The following CNBD1 variants were observed in gnomAD, a reference collection of about 807,000 sequenced individuals.
CNBD1 encodes cyclic nucleotide-binding domain-containing protein 1.
A neutral mutation model predicts 54.4 loss-of-function variants in CNBD1; 71 were observed. The ratio of observed to expected loss-of-function variants is 1.30; its 90% CI spans 1.08 to 1.59. The LOEUF is 1.59. Among genes scored for constraint, CNBD1 ranks in the 40% most tolerant of loss-of-function variants. The pLI, the probability that CNBD1 is intolerant of heterozygous loss-of-function variation, is 0.00. For missense variants in CNBD1, 659 were observed against 518.0 expected (o/e 1.27, Z -2.64); for synonymous variants, 182 against 170.7 (o/e 1.07, Z -0.51).
downstream of CNBD1, among the ~76,000 whole-genome samples, chr8:87,386,323 G>T (rs1043639992): frequency 6.6e-6 from 1 of 152,056 alleles, no homozygotes; most frequent in Non-Finnish European, 1.5e-5. Context: ...CCGAGCTAAA[G>T]CAGGAAGTTC....
intron 6 of CNBD1, among the ~76,000 whole-genome samples, chr8:87,271,245 A>T (rs1413422232): frequency 2.7e-5 from 4 of 148,524 alleles, no homozygotes; most frequent in South Asian, 2.1e-4. Flanking sequence ...TCTTGTATAT[A>T]TTTTTTTTCA....
intron 6 of CNBD1, among the ~76,000 whole-genome samples, chr8:87,280,828 C>CA (rs1808586400): frequency 1.3e-5 from 2 of 151,418 alleles, no homozygotes; most frequent in African/African-American, 4.8e-5. Flanking sequence ...GAGAATACAT[C>CA]ATTTCTCAAT....
At chr8:87,015,428 G>A (rs1324876036) in intron 4 of CNBD1, among the ~76,000 whole-genome samples, 1 of 151,990 alleles carries the variant, frequency 6.6e-6, no homozygotes, top group Non-Finnish European at 1.5e-5. Flanking sequence ...CTTGTGATCT[G>A]CCTGCCTCAG....
chr8:87,048,940 G>T lies in CNBD1; in HGVS notation c.431+109186G>T, dbSNP rs186411457. 2.7e-3 allele frequency among the ~76,000 whole-genome samples: 409 copies of T among 152,314 alleles called. 5 individuals are homozygous for T. Among genetic ancestry groups the T allele is most frequent in the Non-Finnish European group, 8.1e-4 (55 of 68,032 alleles). On this transcript the variant is annotated intron_variant, in intron 4 of 10. Coordinates refer to ENST00000518476, the MANE Select transcript of CNBD1 (RefSeq NM_173538.3). ...AAGTCTTATCCCCACCTAGGTGAAA[G>T]GTTTGGTGAAGGAGTTTAAGAACTT...
intron 8 of CNBD1, among the ~76,000 whole-genome samples, chr8:87,336,039 C>A (rs1809939401): frequency 1.3e-5 from 2 of 152,172 alleles, no homozygotes; most frequent in Non-Finnish European, 2.9e-5. Context: ...TCTCTTCTGG[C>A]TTGTAGGTTT....
At chr8:87,376,245 A>T (rs949987612) in intron 10 of CNBD1, among the ~76,000 whole-genome samples, 17 of 151,846 alleles carry the variant, frequency 1.1e-4, no homozygotes, top group Admixed American at 3.3e-4. Flanking sequence ...TCCAAGATCA[A>T]GTCCCTGGCT....
At chr8:87,020,725 C>A (rs530135340) in intron 4 of CNBD1, among the ~76,000 whole-genome samples, 5 of 152,094 alleles carry the variant, frequency 3.3e-5, no homozygotes, top group Non-Finnish European at 7.4e-5. Flanking sequence ...TTAAAATTGC[C>A]CTGCAAAGTC....
chr8:86,955,445 A>G (rs1807739737), intron 4 of CNBD1, among the ~76,000 whole-genome samples: 1 of 152,212 alleles, frequency 6.6e-6, no homozygotes, highest in East Asian at 1.9e-4. Flanking sequence ...TTACAGTCCC[A>G]CCAACAGTGT....
At chr8:87,155,315 A>C (rs933599041) in intron 4 of CNBD1, among the ~76,000 whole-genome samples, 9 of 152,192 alleles carry the variant, frequency 5.9e-5, no homozygotes, top group African/African-American at 1.9e-4. Context: ...GAACCACTAA[A>C]GTATTTTAAC....
chr8:87,006,623 C>T (rs1012680707), intron 4 of CNBD1, among the ~76,000 whole-genome samples: 15 of 151,986 alleles, frequency 9.9e-5, no homozygotes, highest in Admixed American at 9.2e-4. Flanking sequence ...AGGTGCCACA[C>T]ACTTTAAAGA....
At chr8:87,247,042 A>G (rs1055428039) in intron 6 of CNBD1, among the ~76,000 whole-genome samples, 12 of 152,100 alleles carry the variant, frequency 7.9e-5, no homozygotes, top group African/African-American at 2.9e-4. Context: ...CTGTCACTAC[A>G]GAAAACTCTG....
chr8:87,318,774 T>A (rs1809455323), intron 8 of CNBD1, among the ~76,000 whole-genome samples: 1 of 152,086 alleles, frequency 6.6e-6, no homozygotes, highest in African/African-American at 2.4e-5. Context: ...ATATATTGTA[T>A]CAGGCTGACC....
chr8:87,331,759 C>T (rs559182165), intron 8 of CNBD1, among the ~76,000 whole-genome samples: 10 of 152,290 alleles, frequency 6.6e-5, no homozygotes, highest in Non-Finnish European at 1.5e-4. Context: ...GCCATTCTGA[C>T]TGGCATGAAG....
intron 4 of CNBD1, among the ~76,000 whole-genome samples, chr8:86,962,928 G>T (rs1468685284): frequency 6.6e-6 from 1 of 152,126 alleles, no homozygotes; most frequent in Non-Finnish European, 1.5e-5. Flanking sequence ...CCTGTGAAGG[G>T]GAAAAAGCTA....
At chr8:87,149,342 A>G (rs994942615) in intron 4 of CNBD1, among the ~76,000 whole-genome samples, 3 of 152,208 alleles carry the variant, frequency 2.0e-5, no homozygotes, top group African/African-American at 7.2e-5. Flanking sequence ...TTGAAATGGC[A>G]TTATGACATT....
At chr8:86,903,367 C>A (rs1163694853) in intron 2 of CNBD1, among the ~76,000 whole-genome samples, 1 of 152,100 alleles carries the variant, frequency 6.6e-6, no homozygotes, top group Non-Finnish European at 1.5e-5. Context: ...CTATCCAGAG[C>A]ACAAATTGGA....
intron 4 of CNBD1, among the ~76,000 whole-genome samples, chr8:87,087,533 G>A (rs1811126246): frequency 6.8e-6 from 1 of 146,074 alleles, no homozygotes; most frequent in South Asian, 2.1e-4. Context: ...GCGCGATCTC[G>A]GCTCACTGCA....
rs5893006 is a variant in CNBD1 at position 86,995,689 on chromosome 8, GGTGT to G, written c.431+55955_431+55958del. Among the ~76,000 whole-genome samples, 905 of 149,368 alleles carry G rather than the reference GGTGT, an allele frequency of 6.1e-3. 10 individuals carry two copies. Among genetic ancestry groups the G allele is most frequent in the African/African-American group, 0.02 (822 of 40,766 alleles). ...TTTGGACAGCAGTGTGTGTATGGGT[GGTGT>G]GTGTGTGTGTGTGTGTGTGAGAGAG... On this transcript the variant is annotated intron_variant, in intron 4 of 10. Coordinates refer to ENST00000518476, the MANE Select transcript of CNBD1 (RefSeq NM_173538.3).
At chr8:87,346,291 C>T (rs1204572603) in intron 8 of CNBD1, among the ~76,000 whole-genome samples, 5 of 152,172 alleles carry the variant, frequency 3.3e-5, no homozygotes, top group African/African-American at 1.2e-4. Context: ...ATCCGCCCAC[C>T]TCAGCCTCCC....
Sources: gnomAD v4.1 joint callset for allele counts (sites outside exome capture counted in the v4.1 genomes callset) on GRCh38, gnomAD v4.1.1 for gene constraint, MANE v1.5 for transcripts, NCBI Gene and HGNC (gene_info 2026-07-23, HGNC 2026-07-21) for gene names.